Variants in PADI3 observed in about 807,000 individuals in gnomAD.
The protein encoded by PADI3 is protein-arginine deiminase type-3.
In PADI3, 53 loss-of-function variants were observed where a neutral mutation model predicts 71.5. The ratio of observed to expected loss-of-function variants is 0.74; its 90% CI spans 0.59 to 0.93. PADI3 has a LOEUF of 0.93. PADI3 is among the 40% of genes least tolerant of loss of function. The pLI is 0.00. For missense variants in PADI3, 821 were observed against 868.0 expected, an observed-to-expected ratio of 0.95 and a Z score of 0.68; for synonymous variants, 361 against 347.5, an observed-to-expected ratio of 1.04 and a Z score of -0.43.
At chr1:17,275,844 C>T (rs986710974) in intron 11 of PADI3, among the ~76,000 whole-genome samples, 1 of 152,222 alleles carries the variant, frequency 6.6e-6, no homozygotes, top group Non-Finnish European at 1.5e-5. Context: ...AAAGAGGAAG[C>T]TGGACCATGC....
intron 6 of PADI3, among the ~76,000 whole-genome samples, chr1:17,268,791 G>A (rs924200347): frequency 6.6e-6 from 1 of 151,866 alleles, no homozygotes; most frequent in South Asian, 2.1e-4. Flanking sequence ...ATAGGCGTGA[G>A]CCACCGTGCC....
At position 17,272,473 on chromosome 1, in the gene PADI3, A is replaced by C. The variant is rs146665793; in HGVS notation, c.1048-867A>C. 6.5e-3 allele frequency among the ~76,000 whole-genome samples: 984 copies of C among 152,084 alleles called. 11 individuals are homozygous for C. The highest frequency in any genetic ancestry group is 0.022 in the African/African-American group (929 of 41,474). Reference sequence around the variant, plus strand: ...GTGAGCTTTGGGACAAATATTTTTTAATTTTTATTTATTTTTTTAAATTAA... The same window carrying C: ...GTGAGCTTTGGGACAAATATTTTTTCATTTTTATTTATTTTTTTAAATTAA... On this transcript the variant is annotated intron_variant, in intron 9 of 15. Transcript: ENST00000375460.
intron 1 of PADI3, among the ~76,000 whole-genome samples, chr1:17,253,445 A>T (rs972893005): frequency 2.0e-5 from 3 of 152,228 alleles, no homozygotes; most frequent in African/African-American, 7.2e-5. Context: ...GTAACAGCAC[A>T]TGGAAAAGAC....
At chr1:17,269,672 C>T (rs1231538549) in intron 6 of PADI3, among the ~76,000 whole-genome samples, 1 of 151,956 alleles carries the variant, frequency 6.6e-6, no homozygotes, top group Non-Finnish European at 1.5e-5. Flanking sequence ...GGCTGGAGTG[C>T]AGTGGTGTGA....
intron 1 of PADI3, among the ~76,000 whole-genome samples, chr1:17,257,308 C>T (rs2073041037): frequency 6.6e-6 from 1 of 152,210 alleles, no homozygotes; most frequent in South Asian, 2.1e-4. Context: ...GCCAAACAGG[C>T]CAGAGGGCTC....
chr1:17,266,972 T>G, intron 5 of PADI3, 136 bp downstream of exon 5: 2 of 688,976 alleles, frequency 2.9e-6, no homozygotes, highest in East Asian at 2.5e-5. Flanking sequence ...ACCTCGATGC[T>G]CCTCAAAACC....
At chr1:17,277,519 G>T (rs963411389) in intron 13 of PADI3, among the ~76,000 whole-genome samples, 1 of 152,168 alleles carries the variant, frequency 6.6e-6, no homozygotes, top group Non-Finnish European at 1.5e-5. Context: ...ATTCTGTTTT[G>T]TGAGGTCTGA....
intron 1 of PADI3, among the ~76,000 whole-genome samples, chr1:17,255,925 C>G (rs1157676904): frequency 6.6e-6 from 1 of 152,212 alleles, no homozygotes; most frequent in Admixed American, 6.5e-5. Context: ...CCAGGGACCA[C>G]AGGCTCAAGT....
chr1:17,250,185 G>T (rs2072948359), intron 1 of PADI3, among the ~76,000 whole-genome samples: 1 of 152,158 alleles, frequency 6.6e-6, no homozygotes, highest in Non-Finnish European at 1.5e-5. Context: ...ACTGGGAGGG[G>T]AGGGTGCAGA....
chr1:17,276,250 T>A (rs1424633518), intron 11 of PADI3, among the ~76,000 whole-genome samples: 11 of 151,978 alleles, frequency 7.2e-5, no homozygotes. Flanking sequence ...GGCAGGAGAA[T>A]CCCTTGAACC....
chr1:17,279,368 C>A (rs879414408), intron 13 of PADI3, among the ~76,000 whole-genome samples: 46 of 152,276 alleles, frequency 3.0e-4, no homozygotes, highest in Admixed American at 2.9e-3. Flanking sequence ...TCTCACCCAC[C>A]TTTATTCCCA....
intron 3 of PADI3, among the ~76,000 whole-genome samples, chr1:17,263,758 T>C (rs2073130641): frequency 6.6e-6 from 1 of 152,132 alleles, no homozygotes; most frequent in South Asian, 2.1e-4. Context: ...ATATAGAATA[T>C]GAAGAACTCC....
At position 17,270,411 on chromosome 1, in the gene PADI3, G is replaced by A; in HGVS notation, c.831G>A (p.Glu277=). ...TCACTCTGCTGGACGACTCCAACGA[G>A]GTAGGGACAGAGGGGGTTCAAGAGG... ...FHVTLLDDSN[E]DFSASPIFTD... is the part of the protein sequence containing the mutation. The change falls in exon 7 of 16, where the codon GAG becomes GAA. Residue 277 remains glutamate, a splice_region_variant and synonymous_variant. Transcript: ENST00000375460. 1 of 1,612,286 alleles carries A rather than the reference G, an allele frequency of 6.2e-7. No homozygotes were observed. The highest frequency in any genetic ancestry group is 8.5e-7 in the Non-Finnish European group (1 of 1,179,124).
intron 10 of PADI3, 74 bp downstream of exon 10, chr1:17,273,521 G>A (rs2073285527): frequency 7.4e-6 from 7 of 942,654 alleles, no homozygotes; most frequent in Non-Finnish European, 9.9e-6. Context: ...GGGGTGTGGG[G>A]TACAGAGGGC....
chr1:17,267,169 A>G (rs965906724), intron 5 of PADI3, among the ~76,000 whole-genome samples: 2 of 152,134 alleles, frequency 1.3e-5, no homozygotes, highest in African/African-American at 4.8e-5. Context: ...TGAATCATCC[A>G]AGTGGGACAA....
chr1:17,260,528 G>A (rs1485962857), intron 2 of PADI3, among the ~76,000 whole-genome samples: 4 of 152,134 alleles, frequency 2.6e-5, no homozygotes, highest in Non-Finnish European at 5.9e-5. Flanking sequence ...AGAGGTGGGG[G>A]ACTGATGCCC....
rs1269502152 is a variant in PADI3 at position 17,267,201 on chromosome 1, A to G, written c.526+365A>G. Among the ~76,000 whole-genome samples the G allele has an allele frequency of 2.6e-5, 4 of 152,140 alleles. No individual in the cohort carries two copies. In the East Asian group the frequency reaches 7.7e-4, roughly 29 times the overall value. On this transcript the variant is annotated intron_variant, in intron 5 of 15. Coordinates refer to ENST00000375460, the MANE Select transcript of PADI3 (RefSeq NM_016233.2). ...ACAATATCATCACCCCAATTTAGAG[A>G]TGAGGATGCTGAGACTCAGAAGCCA... is the stretch of plus-strand genomic sequence containing the variant.
intron 10 of PADI3, among the ~76,000 whole-genome samples, 164 bp downstream of exon 10, chr1:17,273,611 T>C (rs1184791396): frequency 1.3e-5 from 2 of 152,182 alleles, no homozygotes; most frequent in African/African-American, 4.8e-5. Flanking sequence ...AATGTGAATT[T>C]CAGACAAGCA....
intron 3 of PADI3, among the ~76,000 whole-genome samples, chr1:17,264,988 G>C (rs1273135860): frequency 6.8e-6 from 1 of 146,396 alleles, no homozygotes; most frequent in African/African-American, 2.6e-5. Flanking sequence ...CAGCCTGGGC[G>C]ACAGAGACCC....
Sources: gnomAD v4.1 joint callset for allele counts (sites outside exome capture counted in the v4.1 genomes callset) on GRCh38, gnomAD v4.1.1 for gene constraint, MANE v1.5 for transcripts, NCBI Gene and HGNC (gene_info 2026-07-23, HGNC 2026-07-21) for gene names.